LRRC37A2: variants seen among roughly 807,000 people sequenced by gnomAD.
The protein encoded by LRRC37A2 is leucine rich repeat containing 37 member A2, also known as leucine-rich repeat-containing protein 37A2.
In LRRC37A2, 9 loss-of-function variants were observed where a neutral mutation model predicts 68.8. That is an observed-to-expected ratio of 0.13 (90% CI 0.08 to 0.23). The LOEUF (loss-of-function observed/expected upper bound fraction) is 0.23, where lower values mean the gene tolerates loss of function less well. LRRC37A2 is among the 10% of genes least tolerant of loss of function. LRRC37A2 has a pLI of 1.00. For synonymous variants in LRRC37A2, 63 were observed against 367.6 expected, an observed-to-expected ratio of 0.17 and a Z score of 9.48; for missense variants, 168 against 950.4, an observed-to-expected ratio of 0.18 and a Z score of 10.82.
At chr17:46,865,896 G>A in the LRRC37A2 span, among the ~76,000 whole-genome samples, 2 of 152,128 alleles carry the variant, frequency 1.3e-5, no homozygotes, top group Admixed American at 1.3e-4. Flanking sequence ...ACAGGTGCGC[G>A]CCACAATGCC....
chr17:46,497,564 C>T, the LRRC37A2 span, among the ~76,000 whole-genome samples: 2 of 149,244 alleles, frequency 1.3e-5, 1 homozygote, highest in Admixed American at 1.3e-4. Flanking sequence ...ATATAGGTTT[C>T]TTTATTCTAG....
At chr17:46,534,407 G>T (rs2038598657) in intron 6 of LRRC37A2, among the ~76,000 whole-genome samples, 1 of 147,316 alleles carries the variant, frequency 6.8e-6, no homozygotes, top group Non-Finnish European at 1.5e-5. Context: ...CTCTTAACGA[G>T]CATGCTGCTT....
chr17:46,393,408 CA>C, the LRRC37A2 span, among the ~76,000 whole-genome samples: 1 of 74,040 alleles, frequency 1.4e-5, no homozygotes, highest in African/African-American at 3.6e-5. Context: ...CAGAATTTAC[CA>C]AAAAAAATTG....
the LRRC37A2 span, among the ~76,000 whole-genome samples, chr17:46,857,085 T>C: frequency 2.0e-4 from 30 of 152,226 alleles, no homozygotes; most frequent in Admixed American, 1.4e-3. Context: ...TGTCGTTGAA[T>C]ATAGCAATAG....
chr17:46,884,389 C>G, the LRRC37A2 span, among the ~76,000 whole-genome samples: 1 of 152,258 alleles, frequency 6.6e-6, no homozygotes, highest in Non-Finnish European at 1.5e-5. Flanking sequence ...ACCCAGCCCC[C>G]TCTCCAAGTT....
the LRRC37A2 span, among the ~76,000 whole-genome samples, chr17:46,891,410 C>A: frequency 1.4e-4 from 22 of 152,120 alleles, no homozygotes; most frequent in African/African-American, 5.1e-4. Flanking sequence ...GAACCCAAAG[C>A]AAGGTCGCCA....
At chr17:46,392,431 C>CTCTTTCTT in the LRRC37A2 span, among the ~76,000 whole-genome samples, 3,256 of 29,518 alleles carry the variant, frequency 0.11, 755 homozygotes, top group African/African-American at 0.16. Flanking sequence ...CTTTCTTTCT[C>CTCTTTCTT]TCTTTCTTTC....
At chr17:46,889,879 T>C in the LRRC37A2 span, among the ~76,000 whole-genome samples, 2 of 152,212 alleles carry the variant, frequency 1.3e-5, no homozygotes, top group Non-Finnish European at 2.9e-5. Context: ...CTACATCATC[T>C]GTAAAATGAG....
chr17:46,757,108 C>T, the LRRC37A2 span: 12 of 152,192 alleles, frequency 7.9e-5, no homozygotes, highest in Admixed American at 7.9e-4. Flanking sequence ...GGGTGTGGCT[C>T]CTCTGTTATT....
chr17:46,558,066 T>G (rs1024905326), downstream of LRRC37A2, among the ~76,000 whole-genome samples: 3 of 138,518 alleles, frequency 2.2e-5, 1 homozygote, highest in African/African-American at 8.2e-5. Context: ...TTGTTTGTTT[T>G]TTTTTCTTTT....
At chr17:47,011,570 G>T in the LRRC37A2 span, among the ~76,000 whole-genome samples, 18,418 of 140,468 alleles carry the variant, frequency 0.13, 1,194 homozygotes, top group South Asian at 0.23. Flanking sequence ...AAAAAAAGTT[G>T]TTTTTTTTTT....
At chr17:46,839,296 A>G in the LRRC37A2 span, among the ~76,000 whole-genome samples, 1 of 152,356 alleles carries the variant, frequency 6.6e-6, no homozygotes, top group East Asian at 1.9e-4. Context: ...GACCCAGCAT[A>G]CACTCTGTCC....
the LRRC37A2 span, among the ~76,000 whole-genome samples, chr17:47,003,733 T>A: frequency 1.5e-3 from 221 of 151,992 alleles, no homozygotes; most frequent in African/African-American, 4.4e-3. Context: ...CTTTTTTTTT[T>A]ATTATACTTT....
the LRRC37A2 span, among the ~76,000 whole-genome samples, chr17:46,947,655 C>T: frequency 6.6e-6 from 1 of 152,198 alleles, no homozygotes; most frequent in Non-Finnish European, 1.5e-5. Flanking sequence ...AGCAGCCTGA[C>T]CTTGGGCTAA....
the LRRC37A2 span, among the ~76,000 whole-genome samples, chr17:46,868,010 C>A: frequency 6.6e-6 from 1 of 152,068 alleles, no homozygotes; most frequent in Non-Finnish European, 1.5e-5. Context: ...CCGCTGTTCA[C>A]CTGGGGTCAT....
chr17:47,001,590 T>C, the LRRC37A2 span, among the ~76,000 whole-genome samples: 1 of 152,080 alleles, frequency 6.6e-6, no homozygotes, highest in East Asian at 1.9e-4. Flanking sequence ...ACAATCAAGA[T>C]AGTGAAGAAA....
intron 8 of LRRC37A2, among the ~76,000 whole-genome samples, chr17:46,545,054 T>C (rs2056068994): frequency 7.2e-6 from 1 of 138,246 alleles, no homozygotes; most frequent in African/African-American, 2.8e-5. Flanking sequence ...GCATAGGTGA[T>C]GTATCCTTCC....
At chr17:46,773,883 G>A in the LRRC37A2 span, 6 of 1,612,306 alleles carry the variant, frequency 3.7e-6, no homozygotes, top group Non-Finnish European at 5.1e-6. Flanking sequence ...GCCCAGAGAT[G>A]TGTACTGCTG....
chr17:46,752,047 G>A, the LRRC37A2 span, among the ~76,000 whole-genome samples: 4 of 152,286 alleles, frequency 2.6e-5, no homozygotes, highest in African/African-American at 9.6e-5. Context: ...ATACCAAACG[G>A]TGTCTGGGAG....
Sources: gnomAD v4.1 joint callset for allele counts (sites outside exome capture counted in the v4.1 genomes callset) on GRCh38, gnomAD v4.1.1 for gene constraint, MANE v1.5 for transcripts, NCBI Gene and HGNC (gene_info 2026-07-23, HGNC 2026-07-21) for gene names.